PSME4: variants seen among roughly 807,000 people sequenced by gnomAD.
PSME4 encodes proteasome activator subunit 4, also known as proteasome activator complex subunit 4.
PSME4 carries 89 observed loss-of-function variants against 253.9 expected under a neutral mutation model. The observed-to-expected ratio is 0.35, with a 90% CI of 0.30 to 0.42. The LOEUF (loss-of-function observed/expected upper bound fraction) is 0.42, where lower values mean the gene tolerates loss of function less well. Among genes scored for constraint, PSME4 ranks in the 10% least tolerant of loss-of-function variants. The pLI is 1.00. For missense variants in PSME4, 2,014 were observed against 2,195.2 expected (o/e 0.92, Z 1.65); for synonymous variants, 851 against 759.2 (o/e 1.12, Z -1.99).
chr2:53,906,153 C>A (rs1160370386), intron 26 of PSME4, among the ~76,000 whole-genome samples: 5 of 152,180 alleles, frequency 3.3e-5, no homozygotes, highest in African/African-American at 1.2e-4. Context: ...AAAGGACAGA[C>A]CTCACAATTC....
In PSME4 at chr2:53,897,925, C is replaced by T. The variant is rs200270494; in HGVS notation, c.3551G>A (p.Arg1184His). ...ATTCTCAACAAAAAACCGTATGGCACGAAGAGGCAACACTCGGTCATCTCT... is the reference window on the plus strand; with the variant it reads ...ATTCTCAACAAAAAACCGTATGGCATGAAGAGGCAACACTCGGTCATCTCT... ...LLRDDRVLPL[R>H]AIRFFVENLN... Residue 1184 changes from arginine to histidine, a missense_variant, in exon 31 of 47, where the codon CGT becomes CAT. Arg to His is a conservative substitution (Grantham distance 29, BLOSUM62 0). Transcript: ENST00000404125. The T allele has an allele frequency of 4.3e-6, 7 of 1,613,304 alleles. No individual in the cohort carries two copies. Among genetic ancestry groups the T allele is most frequent in the Non-Finnish European group, 5.1e-6 (6 of 1,179,402 alleles).
At chr2:53,962,730 C>G (rs1351890148) in intron 1 of PSME4, among the ~76,000 whole-genome samples, 14 of 152,146 alleles carry the variant, frequency 9.2e-5, no homozygotes, top group Admixed American at 9.2e-4. Flanking sequence ...ATAAAGCACA[C>G]AGCTGGGCAC....
chr2:53,932,563 T>G, intron 9 of PSME4, 105 bp downstream of exon 9: 1 of 929,020 alleles, frequency 1.1e-6, no homozygotes, highest in Non-Finnish European at 1.8e-6. Flanking sequence ...TAGCTAAAGC[T>G]ATGAAGGACA....
chr2:53,871,292 C>T (rs1000965823), intron 43 of PSME4, among the ~76,000 whole-genome samples: 8 of 151,924 alleles, frequency 5.3e-5, no homozygotes, highest in African/African-American at 1.5e-4. Context: ...CGCTCTGTCA[C>T]CAGGATGGAG....
chr2:53,951,329 G>T (rs1362370808), intron 1 of PSME4, among the ~76,000 whole-genome samples: 2 of 152,210 alleles, frequency 1.3e-5, no homozygotes, highest in Non-Finnish European at 2.9e-5. Context: ...GATCCCCCCT[G>T]CCTTGGCCTC....
rs189625658 is a variant in PSME4 at position 53,927,029 on chromosome 2, T to C, written c.1593+365A>G. On this transcript the variant is annotated intron_variant, in intron 12 of 46. Transcript: ENST00000404125. The stretch of plus-strand genomic sequence containing the variant: ...AAGTTTTGAAAGAGCCAGACAGAAA[T>C]GAATGAAGAAAATCTTTCTTCATTA... Among the ~76,000 whole-genome samples, 44 of 151,672 alleles carry C rather than the reference T, an allele frequency of 2.9e-4. 1 individual carries two copies. The East Asian group carries it at 8.5e-3, about 29-fold the overall frequency.
chr2:53,925,820 T>C (rs1223914750), intron 13 of PSME4, 131 bp from the exon 14 acceptor site: 1 of 1,258,042 alleles, frequency 7.9e-7, no homozygotes, highest in Non-Finnish European at 1.1e-6. Context: ...GGTTCACAAA[T>C]CGATTATCCT....
intron 1 of PSME4, among the ~76,000 whole-genome samples, chr2:53,952,394 T>C (rs1670041182): frequency 6.6e-6 from 1 of 152,060 alleles, no homozygotes; most frequent in South Asian, 2.1e-4. Flanking sequence ...ATACAAAAAT[T>C]AGCTGGGCAT....
At chr2:53,916,160 T>C (rs958176111) in intron 20 of PSME4, among the ~76,000 whole-genome samples, 4 of 149,248 alleles carry the variant, frequency 2.7e-5, no homozygotes, top group African/African-American at 7.4e-5. Flanking sequence ...GGAAGGACAA[T>C]TGCTTGAACC....
At position 53,926,012 on chromosome 2, in the gene PSME4, T is replaced by C. The variant is rs1266154015; in HGVS notation, c.1605A>G (p.Glu535=). The change falls in exon 13 of 47, where the codon GAA becomes GAG. Residue 535 remains glutamate, a synonymous_variant. Coordinates refer to ENST00000404125, the MANE Select transcript of PSME4 (RefSeq NM_014614.3). ...CAAATTCAGCTGTGGCTGAACAAAG[T>C]TCTCGTTCCACCTATAATATCCCAA... The part of the protein sequence containing the change: ...ERNDLTEVER[E]LCSATAEFED... 5.0e-6 allele frequency: 8 copies of C among 1,612,940 alleles called. No homozygotes were observed. The highest frequency in any genetic ancestry group is 6.8e-6 in the Non-Finnish European group (8 of 1,178,916).
chr2:53,951,063 C>G lies in PSME4; in HGVS notation c.243-1780G>C, dbSNP rs144785024. On this transcript the variant is annotated intron_variant, in intron 1 of 46. Coordinates refer to ENST00000404125, the MANE Select transcript of PSME4 (RefSeq NM_014614.3). Reference sequence around the variant, plus strand: ...TTAACACTCCCCCAGTACCTGAGATCAAATAAAACTTACATTTAACTTCTT... The same window carrying G: ...TTAACACTCCCCCAGTACCTGAGATGAAATAAAACTTACATTTAACTTCTT... Among the ~76,000 whole-genome samples the G allele has an allele frequency of 9.2e-5, 14 of 152,116 alleles. No homozygotes were observed. In the South Asian group the frequency reaches 2.9e-3, roughly 32 times the overall value.
At chr2:53,957,281 T>C (rs969546197) in intron 1 of PSME4, among the ~76,000 whole-genome samples, 3 of 152,212 alleles carry the variant, frequency 2.0e-5, no homozygotes, top group Non-Finnish European at 4.4e-5. Context: ...GAGGACATTA[T>C]ATTTATTGTG....
chr2:53,869,622 G>A (rs1678770808), intron 43 of PSME4, 84 bp from the exon 44 acceptor site: 1 of 1,131,486 alleles, frequency 8.8e-7, no homozygotes, highest in African/African-American at 1.5e-5. Flanking sequence ...GGGAACTGGG[G>A]TGAAGACCTT....
chr2:53,883,656 T>G (rs1211979712), intron 41 of PSME4, among the ~76,000 whole-genome samples: 16 of 152,186 alleles, frequency 1.1e-4, no homozygotes. Flanking sequence ...TCATATAAAG[T>G]AAGTTACGAG....
chr2:53,964,526 C>T (rs371631225), intron 1 of PSME4, among the ~76,000 whole-genome samples: 2 of 152,180 alleles, frequency 1.3e-5, no homozygotes, highest in African/African-American at 4.8e-5. Flanking sequence ...TCTTCTATCA[C>T]TCTCTCTAAC....
chr2:53,953,331 C>T (rs59595193), intron 1 of PSME4, among the ~76,000 whole-genome samples: 5 of 151,702 alleles, frequency 3.3e-5, no homozygotes, highest in Admixed American at 3.3e-4. Flanking sequence ...ATCCAAATTA[C>T]TAGTAAGAAA....
rs1216486066 is a variant in PSME4, at chr2:53,970,663, G to A, written c.122C>T (p.Ala41Val). ...GTCGGACTCGGCGTCTAGCCGCTCC[G>A]CGTAGGGCAGCAGCTTGTTGTAGAC... ...EIVYNKLLPY[A>V]ERLDAESDLQ... is the part of the protein sequence containing the mutation. Residue 41 changes from alanine (A) to valine (V), a missense_variant, in exon 1 of 47, where the codon GCG becomes GTG. Coordinates refer to ENST00000404125, the MANE Select transcript of PSME4 (RefSeq NM_014614.3). 7.7e-6 allele frequency: 12 copies of A among 1,550,142 alleles called. No individual in the cohort carries two copies. The East Asian group carries it at 2.0e-4, about 25-fold the overall frequency.
intron 1 of PSME4, among the ~76,000 whole-genome samples, chr2:53,958,503 A>G (rs915372630): frequency 6.6e-6 from 1 of 152,230 alleles, no homozygotes; most frequent in African/African-American, 2.4e-5. Context: ...ATTATAACCA[A>G]GAGAAACCAA....
intron 4 of PSME4, among the ~76,000 whole-genome samples, chr2:53,938,614 G>A (rs893464009): frequency 2.6e-5 from 4 of 151,810 alleles, no homozygotes; most frequent in African/African-American, 9.7e-5. Context: ...CCAGCCTTAA[G>A]AGGTTTAAAA....
Sources: allele counts gnomAD v4.1 joint callset (sites outside exome capture counted in the v4.1 genomes callset), GRCh38; gene constraint gnomAD v4.1.1; transcripts MANE v1.5; gene names NCBI Gene and HGNC (gene_info 2026-07-23, HGNC 2026-07-21).